Variants in ICA1L observed in about 807,000 individuals in gnomAD.
ICA1L encodes islet cell autoantigen 1-like protein.
ICA1L carries 50 observed loss-of-function variants against 61.3 expected under a neutral mutation model. The ratio of observed to expected loss-of-function variants is 0.82; its 90% CI spans 0.65 to 1.03. The LOEUF (loss-of-function observed/expected upper bound fraction) is 1.03, where lower values mean the gene tolerates loss of function less well. ICA1L is among the 50% of genes least tolerant of loss of function. ICA1L has a pLI of 0.00. For missense variants in ICA1L, 508 were observed against 556.7 expected (o/e 0.91, Z 0.88); for synonymous variants, 161 against 191.3 (o/e 0.84, Z 1.31).
chr2:202,852,688 A>T (rs1574380444), intron 1 of ICA1L, among the ~76,000 whole-genome samples: 2 of 142,718 alleles, frequency 1.4e-5, no homozygotes, highest in African/African-American at 5.0e-5. Flanking sequence ...AAAAAAAAAA[A>T]AAAAAAAAGT....
At chr2:202,842,175 A>G (rs1055463918) in intron 1 of ICA1L, among the ~76,000 whole-genome samples, 3 of 152,106 alleles carry the variant, frequency 2.0e-5, no homozygotes, top group Non-Finnish European at 4.4e-5. Context: ...ATTATTTTTA[A>G]TAGTTTTGTT....
intron 1 of ICA1L, among the ~76,000 whole-genome samples, chr2:202,869,310 A>G (rs999247463): frequency 3.9e-5 from 6 of 152,194 alleles, no homozygotes; most frequent in Non-Finnish European, 7.4e-5. Flanking sequence ...GTGAGCCGAG[A>G]TCCTGCCACT....
At chr2:202,846,886 A>G (rs1694477854) in intron 1 of ICA1L, among the ~76,000 whole-genome samples, 2 of 152,252 alleles carry the variant, frequency 1.3e-5, no homozygotes, top group African/African-American at 4.8e-5. Flanking sequence ...ATATTAAATC[A>G]CATGAACTTT....
intron 1 of ICA1L, among the ~76,000 whole-genome samples, chr2:202,845,908 A>C (rs1694451836): frequency 6.6e-6 from 1 of 152,214 alleles, no homozygotes; most frequent in African/African-American, 2.4e-5. Flanking sequence ...TGATGCAATT[A>C]AGAAAATATA....
intron 12 of ICA1L, among the ~76,000 whole-genome samples, chr2:202,785,674 G>T (rs1429666079): frequency 2.0e-5 from 3 of 152,084 alleles, no homozygotes; most frequent in African/African-American, 7.2e-5. Flanking sequence ...CAGTCCGCCT[G>T]CCTAGCCCTC....
chr2:202,822,714 G>A (rs563231610), intron 3 of ICA1L, among the ~76,000 whole-genome samples: 1 of 152,268 alleles, frequency 6.6e-6, no homozygotes, highest in Admixed American at 6.5e-5. Flanking sequence ...AAAAATCAAA[G>A]TTAAAACTGA....
chr2:202,785,220 T>TAAAAA (rs559242608), intron 12 of ICA1L, among the ~76,000 whole-genome samples: 9 of 120,240 alleles, frequency 7.5e-5, no homozygotes, highest in Admixed American at 8.3e-5. Flanking sequence ...CTGTCTCAAT[T>TAAAAA]AAAAAAAAAA....
At chr2:202,786,749 A>G (rs1302140451) in intron 11 of ICA1L, 10 of 403,276 alleles carry the variant, frequency 2.5e-5, no homozygotes, top group Non-Finnish European at 3.0e-5. Flanking sequence ...AAGTACATGC[A>G]TGATTTTTTT....
intron 1 of ICA1L, among the ~76,000 whole-genome samples, chr2:202,852,140 G>A (rs529079231): frequency 5.4e-4 from 82 of 152,224 alleles, no homozygotes; most frequent in African/African-American, 1.9e-3. Flanking sequence ...ATGGTTTTAG[G>A]TCTAACATTT....
chr2:202,780,490 T>C (rs756148215), intron 12 of ICA1L, among the ~76,000 whole-genome samples: 9 of 152,146 alleles, frequency 5.9e-5, no homozygotes, highest in Admixed American at 2.0e-4. Context: ...TTGGGACTAA[T>C]AAAGAATGCA....
rs1240099914 is a variant in ICA1L at position 202,821,358 on chromosome 2, C to T, written c.359G>A (p.Arg120Lys). ...AAGATAATGAACAACCATGGTAAACCTTTGCTTGGCTGAAGAACAAAGTGC... is the reference window on the plus strand; with the variant it reads ...AAGATAATGAACAACCATGGTAAACTTTTGCTTGGCTGAAGAACAAAGTGC... The part of the protein sequence containing the change: ...GKALCSSAKQ[R>K]LALCTPLSRL... The change falls in exon 4 of 13, where the codon AGA becomes AAA. Residue 120 changes from arginine (R) to lysine (K), a missense_variant and splice_region_variant. Arg to Lys is a conservative substitution (Grantham distance 26). Coordinates refer to ENST00000358299, the MANE Select transcript of ICA1L (RefSeq NM_001288622.3). 1 of 1,612,570 alleles carries T rather than the reference C, an allele frequency of 6.2e-7. No homozygotes were observed.
chr2:202,823,760 T>C (rs1431396526), intron 3 of ICA1L, among the ~76,000 whole-genome samples: 2 of 152,234 alleles, frequency 1.3e-5, no homozygotes, highest in African/African-American at 2.4e-5. Context: ...ATTACTCTAA[T>C]CCACAGTTAT....
chr2:202,853,167 G>C (rs912479659), intron 1 of ICA1L, among the ~76,000 whole-genome samples: 4 of 151,870 alleles, frequency 2.6e-5, no homozygotes, highest in Non-Finnish European at 4.4e-5. Flanking sequence ...GACCATCCTG[G>C]CTAACATGAT....
At chr2:202,857,459 T>C (rs982081201) in intron 1 of ICA1L, among the ~76,000 whole-genome samples, 1 of 152,076 alleles carries the variant, frequency 6.6e-6, no homozygotes, top group African/African-American at 2.4e-5. Context: ...TCCTCACACC[T>C]TATATAAAAA....
intron 1 of ICA1L, among the ~76,000 whole-genome samples, chr2:202,857,340 A>T (rs1004692519): frequency 1.3e-5 from 2 of 152,158 alleles, no homozygotes; most frequent in African/African-American, 4.8e-5. Context: ...CAACCACCTG[A>T]TCTTTGACAA....
At chr2:202,787,867 TG>T (rs763657383) in intron 11 of ICA1L, among the ~76,000 whole-genome samples, 24 of 152,364 alleles carry the variant, frequency 1.6e-4, no homozygotes, top group Non-Finnish European at 2.8e-4. Context: ...CATTTCCATT[TG>T]GCAGTACTGA....
chr2:202,828,466 C>T (rs1371037036), intron 2 of ICA1L, among the ~76,000 whole-genome samples: 2 of 151,942 alleles, frequency 1.3e-5, no homozygotes, highest in South Asian at 2.1e-4. Context: ...TCTTCATTTG[C>T]TATTTGATTT....
chr2:202,814,600 G>A lies in ICA1L; in HGVS notation c.866+102C>T, dbSNP rs191787463. 1.6e-4 allele frequency: 125 copies of A among 761,184 alleles called. No homozygotes were observed. In the African/African-American group the frequency reaches 2.1e-3, roughly 13 times the overall value. 47.2% of individuals were successfully genotyped at this position (761,184 alleles called of 1,614,324 possible). On this transcript the variant is annotated intron_variant, in intron 8 of 12. Coordinates refer to ENST00000358299, the MANE Select transcript of ICA1L (RefSeq NM_001288622.3). ...AGTGTTGATTGGAAAAATGACATAG[G>A]AATAAATATTCAGTAAGAGAAGAAA...
rs1574315707 is a variant in ICA1L, at chr2:202,777,209, C to T, written c.*2324G>A. 6.6e-6 allele frequency: 1 copy of T among 152,046 alleles called. No homozygotes were observed. The highest frequency in any genetic ancestry group is 1.5e-5 in the Non-Finnish European group (1 of 68,066). The allele number at this position is 152,046 out of a possible 1,614,324, so 9.4% of individuals were successfully genotyped here. On this transcript the variant is annotated 3_prime_UTR_variant, in exon 13 of 13. Coordinates refer to ENST00000358299, the MANE Select transcript of ICA1L (RefSeq NM_001288622.3). ...CTGGGATTACAGGCATGTACCTCCA[C>T]ACCTGGCTAATTTTTGTATTTTTAG...
Sources: allele counts gnomAD v4.1 joint callset (sites outside exome capture counted in the v4.1 genomes callset), GRCh38; gene constraint gnomAD v4.1.1; transcripts MANE v1.5; gene names NCBI Gene and HGNC (gene_info 2026-07-23, HGNC 2026-07-21).